Variants in KLRD1 observed in about 807,000 individuals in gnomAD.
The protein encoded by KLRD1 is killer cell lectin like receptor D1.
Under a neutral mutation model 22.6 loss-of-function variants are expected in KLRD1, and 21 were observed. The ratio of observed to expected loss-of-function variants is 0.93; its 90% CI spans 0.66 to 1.34. The LOEUF is 1.34. Ranked by LOEUF, KLRD1 falls within the 40% of genes most tolerant of loss-of-function variation. The pLI is 0.00. For missense variants in KLRD1, 183 were observed against 208.6 expected, an observed-to-expected ratio of 0.88 and a Z score of 0.76; for synonymous variants, 59 against 71.1, an observed-to-expected ratio of 0.83 and a Z score of 0.85.
At chr12:10,284,095 G>A (rs1308701254) in intron 1 of KLRD1, among the ~76,000 whole-genome samples, 1 of 151,972 alleles carries the variant, frequency 6.6e-6, no homozygotes, top group East Asian at 1.9e-4. Context: ...GCTGAGGCAG[G>A]AGAATCACCT....
chr12:10,316,049 T>C lies in KLRD1; in HGVS notation c.*1256T>C, dbSNP rs7966660. 1 allele frequency: 148,489 copies of C among 149,088 alleles called. 73,945 individuals are homozygous for C. Among genetic ancestry groups the C allele is most frequent in the Middle Eastern group, 1 (290 of 290 alleles). The allele number at this position is 149,088 out of a possible 1,614,324, so 9.2% of individuals were successfully genotyped here. On this transcript the variant is annotated 3_prime_UTR_variant, in exon 6 of 6. Coordinates refer to ENST00000336164, the MANE Select transcript of KLRD1 (RefSeq NM_002262.5). ...GAGAGGATCGCTTGAACCTAGGAGG[T>C]GGAGGTTGCAGTGAGTCGAGATTGC...
chr12:10,252,871 G>GT (rs1176281807), intron 1 of KLRD1, among the ~76,000 whole-genome samples: 1 of 151,732 alleles, frequency 6.6e-6, no homozygotes, highest in Admixed American at 6.6e-5. Flanking sequence ...GTGCAGTGGT[G>GT]TGAGTTGTGA....
rs1053203324 is a variant in KLRD1, at chr12:10,278,482, A to G, written c.-100-29496A>G. 2.0e-5 allele frequency among the ~76,000 whole-genome samples: 3 copies of G among 152,176 alleles called. No homozygotes were observed. In the South Asian group the frequency reaches 6.2e-4, roughly 32 times the overall value. ...GGTATGGCCTCCTCAAAATTACACA[A>G]AAGCAATTTCTGACTCTACCTTCCT... On this transcript the variant is annotated intron_variant, in intron 1 of 5. Transcript: ENST00000544747.
chr12:10,308,105 TAA>T (rs1316206845), intron 1 of KLRD1, 21 bp downstream of exon 1: 30 of 1,608,226 alleles, frequency 1.9e-5, no homozygotes, highest in Non-Finnish European at 2.4e-5. Context: ...TTTCAGTCAC[TAA>T]ATTAAAAATA....
chr12:10,304,135 A>G (rs1319542325), upstream of KLRD1, among the ~76,000 whole-genome samples: 1 of 152,214 alleles, frequency 6.6e-6, no homozygotes, highest in South Asian at 2.1e-4. Flanking sequence ...TCATAATTTC[A>G]GTTATACAAT....
At chr12:10,286,662 CTTTTTTTTT>C (rs747241701) in intron 1 of KLRD1, among the ~76,000 whole-genome samples, 621 of 54,820 alleles carry the variant, frequency 0.011, 8 homozygotes, top group African/African-American at 0.045. Context: ...GCTTATGGTG[CTTTTTTTTT>C]TTTTTTTTTT....
chr12:10,265,494 C>A (rs577461167), intron 1 of KLRD1, among the ~76,000 whole-genome samples: 1 of 152,306 alleles, frequency 6.6e-6, no homozygotes, highest in East Asian at 1.9e-4. Context: ...CGATGGCTCA[C>A]GCCTGTAATC....
chr12:10,309,454 C>A lies in KLRD1; in HGVS notation c.74C>A (p.Ser25Tyr). The A allele has an allele frequency of 1.3e-6, 2 of 1,527,136 alleles. No homozygotes were observed. The highest frequency in any genetic ancestry group is 1.8e-6 in the Non-Finnish European group (2 of 1,100,520). The allele number at this position is 1,527,136 out of a possible 1,614,324, so 94.6% of individuals were successfully genotyped here. A position where few individuals can be genotyped will look rare whatever the true frequency, so the allele number is the denominator to read the frequency against. ...TLGIICLSLM[S>Y]TLGILLKNSF... ...GGGATAATATGCCTTTCGTTGATGT[C>A]TACGTTGGGAATTTTGTTGAAAAAT... The change falls in exon 2 of 6, where the codon TCT (serine) becomes TAT (tyrosine). Residue 25 changes from serine to tyrosine, a missense_variant. Coordinates refer to ENST00000336164, the MANE Select transcript of KLRD1 (RefSeq NM_002262.5).
chr12:10,269,849 A>G (rs1358151645), intron 1 of KLRD1, among the ~76,000 whole-genome samples: 1 of 152,074 alleles, frequency 6.6e-6, no homozygotes, highest in African/African-American at 2.4e-5. Context: ...GAAAGATTAT[A>G]TGTTTCATAA....
At chr12:10,239,521 T>TTCTTTCTTTC (rs1367336712) in intron 1 of KLRD1, among the ~76,000 whole-genome samples, 5,751 of 20,128 alleles carry the variant, frequency 0.29, 488 homozygotes, top group South Asian at 0.45. Context: ...TCCCTCCCCT[T>TTCTTTCTTTC]TCTTTCTTTC....
chr12:10,277,597 T>C (rs989625448), intron 1 of KLRD1, among the ~76,000 whole-genome samples: 22 of 152,290 alleles, frequency 1.4e-4, no homozygotes, highest in Admixed American at 1.2e-3. Context: ...ATAAAAATGA[T>C]TTTTTTACTT....
At chr12:10,253,985 G>T (rs1425668475) in intron 1 of KLRD1, among the ~76,000 whole-genome samples, 1 of 152,104 alleles carries the variant, frequency 6.6e-6, no homozygotes, top group East Asian at 1.9e-4. Flanking sequence ...CTATAAAAAC[G>T]CTGGAAAACA....
chr12:10,328,302 G>C lies in KLRD1; in HGVS notation c.*13509G>C, dbSNP rs867309770. 6.6e-6 allele frequency: 1 copy of C among 152,100 alleles called. No homozygotes were observed. The highest frequency in any genetic ancestry group is 2.4e-5 in the African/African-American group (1 of 41,440). 9.4% of individuals were successfully genotyped at this position (152,100 alleles called of 1,614,324 possible). A position where few individuals can be genotyped will look rare whatever the true frequency, so the allele number is the denominator to read the frequency against. ...ATCTTGTCCTGGGAATTTTTTTGTT[G>C]TAAGTTTCTTGATTACTGATTCAAT... is the stretch of plus-strand genomic sequence containing the variant. On this transcript the variant is annotated 3_prime_UTR_variant, in exon 6 of 6. Coordinates refer to ENST00000336164, the MANE Select transcript of KLRD1 (RefSeq NM_002262.5).
intron 1 of KLRD1, among the ~76,000 whole-genome samples, chr12:10,280,805 T>C (rs951671007): frequency 7.9e-5 from 12 of 152,034 alleles, no homozygotes; most frequent in Admixed American, 4.6e-4. Flanking sequence ...GAAAACCAGG[T>C]GTTGAGAATC....
At chr12:10,254,829 A>G in intron 1 of KLRD1, among the ~76,000 whole-genome samples, 1 of 132,358 alleles carries the variant, frequency 7.6e-6, no homozygotes, top group East Asian at 2.8e-4. Flanking sequence ...GGAGGCGGAG[A>G]TTGCAGTGAG....
intron 1 of KLRD1, among the ~76,000 whole-genome samples, chr12:10,287,489 C>G (rs2137662442): frequency 6.6e-6 from 1 of 152,148 alleles, no homozygotes; most frequent in African/African-American, 2.4e-5. Flanking sequence ...CAAATAAATT[C>G]TAAGTTTTAA....
At chr12:10,257,488 T>C (rs1949410077) in intron 1 of KLRD1, among the ~76,000 whole-genome samples, 1 of 127,084 alleles carries the variant, frequency 7.9e-6, no homozygotes, top group Admixed American at 7.6e-5. Flanking sequence ...GATTCTTTTT[T>C]TTTTTTTTTT....
Position 10,241,642 on chromosome 12 carries a change from T to C in KLRD1, c.-101+15409T>C, listed in dbSNP as rs11053700. On this transcript the variant is annotated intron_variant, in intron 1 of 5. Coordinates refer to the KLRD1 transcript ENST00000544747. ...TGCAAGTTTTCTAAAGTAAATACTA[T>C]AAGAAAAGGGAGGCCAGAGAACTAT... Among the ~76,000 whole-genome samples, 65 of 152,142 alleles carry C rather than the reference T, an allele frequency of 4.3e-4. No homozygotes were observed. In the East Asian group the frequency reaches 0.012, roughly 27 times the overall value.
chr12:10,306,243 A>G (rs1417871465), upstream of KLRD1, among the ~76,000 whole-genome samples: 6 of 151,872 alleles, frequency 4.0e-5, no homozygotes, highest in African/African-American at 9.7e-5. Flanking sequence ...GTATATACAT[A>G]TATGTTTACT....
Sources: gnomAD v4.1 joint callset for allele counts (sites outside exome capture counted in the v4.1 genomes callset) on GRCh38, gnomAD v4.1.1 for gene constraint, MANE v1.5 for transcripts, NCBI Gene and HGNC (gene_info 2026-07-23, HGNC 2026-07-21) for gene names.